Variants in MAMDC2 observed in about 807,000 individuals in gnomAD.
MAMDC2 encodes the protein MAM domain containing 2, also known as MAM domain-containing protein 2.
In MAMDC2, 57 loss-of-function variants were observed where a neutral mutation model predicts 89.8. That is an observed-to-expected ratio of 0.63 (90% CI 0.51 to 0.79). MAMDC2 has a LOEUF of 0.79. Among genes scored for constraint, MAMDC2 ranks in the 30% least tolerant of loss-of-function variants. The probability of loss-of-function intolerance (pLI) is 0.00; values close to 1 mark genes in which losing one functional copy is unlikely to be tolerated. For missense variants in MAMDC2, 800 were observed against 820.6 expected (o/e 0.97, Z 0.31); for synonymous variants, 313 against 293.4 (o/e 1.07, Z -0.68).
intron 11 of MAMDC2, among the ~76,000 whole-genome samples, chr9:70,212,212 C>T (rs2033368267): frequency 6.6e-6 from 1 of 152,236 alleles, no homozygotes; most frequent in Non-Finnish European, 1.5e-5. Context: ...TTCAGCTATG[C>T]CCTGCCCCCA....
chr9:70,108,282 C>T lies in MAMDC2; in HGVS notation c.220C>T (p.Gln74Ter). ...EKAVLLSPDL[Q>*]AEEWSCLRLV... ...AGCTGTGCTGCTAAGTCCTGACTTACAGGCTGAGGAATGGAGCTGCCTCCG... is the reference window on the plus strand; with the variant it reads ...AGCTGTGCTGCTAAGTCCTGACTTATAGGCTGAGGAATGGAGCTGCCTCCG... The change falls in exon 3 of 14, where the codon CAG becomes TAG. Residue 74 changes from glutamine (Q) to a stop codon, truncating the protein, a stop_gained. Coordinates refer to ENST00000377182, the MANE Select transcript of MAMDC2 (RefSeq NM_153267.5). LOFTEE classifies it high-confidence loss of function. The T allele has an allele frequency of 1.9e-6, 3 of 1,614,048 alleles. No individual in the cohort carries two copies. The highest frequency in any genetic ancestry group is 2.5e-6 in the Non-Finnish European group (3 of 1,179,932).
intron 2 of MAMDC2, among the ~76,000 whole-genome samples, chr9:70,051,240 C>G (rs2117982834): frequency 6.6e-6 from 1 of 152,298 alleles, no homozygotes; most frequent in African/African-American, 2.4e-5. Flanking sequence ...TGTGTCTGGG[C>G]AGCCTCCTCC....
chr9:70,205,352 C>A (rs2033203259), intron 11 of MAMDC2, among the ~76,000 whole-genome samples: 1 of 152,136 alleles, frequency 6.6e-6, no homozygotes, highest in African/African-American at 2.4e-5. Context: ...CTTTTAAAAT[C>A]ACTTAAAAGT....
At chr9:70,207,812 G>T (rs111308721) in intron 11 of MAMDC2, among the ~76,000 whole-genome samples, 1 of 152,186 alleles carries the variant, frequency 6.6e-6, no homozygotes, top group African/African-American at 2.4e-5. Flanking sequence ...TTTTGTATAA[G>T]GTGTAAGGAA....
chr9:70,142,439 T>A (rs2031254847), intron 8 of MAMDC2, among the ~76,000 whole-genome samples: 1 of 152,168 alleles, frequency 6.6e-6, no homozygotes, highest in Admixed American at 6.5e-5. Flanking sequence ...ACTGAGAGGT[T>A]TTAAGCAGAA....
rs1198746887 is a variant in MAMDC2, at chr9:70,108,251, G to A, written c.189G>A (p.Gly63=). ...IYVDTSFGKQ[G]EKAVLLSPDL... ...TGGATACCTCCTTTGGCAAGCAGGG[G>A]GAGAAAGCTGTGCTGCTAAGTCCTG... Residue 63 remains glycine, a synonymous_variant, in exon 3 of 14, where the codon GGG becomes GGA. Coordinates refer to ENST00000377182, the MANE Select transcript of MAMDC2 (RefSeq NM_153267.5). The A allele has an allele frequency of 6.2e-7, 1 of 1,611,668 alleles. No homozygotes were observed. Among genetic ancestry groups the A allele is most frequent in the Non-Finnish European group, 8.5e-7 (1 of 1,178,952 alleles).
chr9:70,162,748 G>A (rs2032017889), intron 9 of MAMDC2, among the ~76,000 whole-genome samples: 1 of 152,030 alleles, frequency 6.6e-6, no homozygotes. Context: ...GCCTCCCAAA[G>A]TGTTGGGAAC....
At chr9:70,083,116 T>C (rs547957437) in intron 2 of MAMDC2, among the ~76,000 whole-genome samples, 2 of 152,258 alleles carry the variant, frequency 1.3e-5, no homozygotes, top group African/African-American at 4.8e-5. Flanking sequence ...ATAAGTAAAA[T>C]CAGAAGGCAT....
chr9:70,214,590 G>A (rs2033412234), intron 11 of MAMDC2, among the ~76,000 whole-genome samples: 2 of 152,216 alleles, frequency 1.3e-5, no homozygotes, highest in African/African-American at 4.8e-5. Context: ...TTTTGCTTTA[G>A]AAGGAGCACT....
intron 2 of MAMDC2, among the ~76,000 whole-genome samples, chr9:70,084,668 C>A (rs1335902799): frequency 1.3e-5 from 2 of 152,070 alleles, no homozygotes; most frequent in Non-Finnish European, 2.9e-5. Flanking sequence ...GCTTTCAATT[C>A]AGTGAATAAG....
chr9:70,095,653 G>A (rs1339140292), intron 2 of MAMDC2, among the ~76,000 whole-genome samples: 1 of 152,204 alleles, frequency 6.6e-6, no homozygotes, highest in Non-Finnish European at 1.5e-5. Context: ...AGATACATGA[G>A]TCTGGAAGTG....
chr9:70,117,299 GA>G (rs1309497508), intron 5 of MAMDC2, among the ~76,000 whole-genome samples: 17 of 152,124 alleles, frequency 1.1e-4, no homozygotes, highest in Non-Finnish European at 2.4e-4. Flanking sequence ...CAGCTATAAA[GA>G]AGGATGAGTT....
At chr9:70,070,310 G>T (rs1827373683) in intron 2 of MAMDC2, among the ~76,000 whole-genome samples, 1 of 152,196 alleles carries the variant, frequency 6.6e-6, no homozygotes, top group Non-Finnish European at 1.5e-5. Context: ...TGGCCTTATA[G>T]ACTTTTTAGC....
At chr9:70,130,047 A>T (rs1041505530) in intron 6 of MAMDC2, among the ~76,000 whole-genome samples, 16 of 121,404 alleles carry the variant, frequency 1.3e-4, no homozygotes, top group African/African-American at 3.8e-4. Context: ...TGTGTGTGTG[A>T]GAGTGTCTGC....
chr9:70,202,596 T>C (rs1455105130), intron 11 of MAMDC2, among the ~76,000 whole-genome samples: 1 of 147,650 alleles, frequency 6.8e-6, no homozygotes, highest in Non-Finnish European at 1.5e-5. Context: ...CTGAGTTCAA[T>C]TCCTGGGTAT....
chr9:70,077,351 A>T (rs2118112204), intron 2 of MAMDC2, among the ~76,000 whole-genome samples: 1 of 152,310 alleles, frequency 6.6e-6, no homozygotes, highest in South Asian at 2.1e-4. Context: ...GCCCAAGGTT[A>T]TATCCAAGGT....
At chr9:70,106,103 T>C (rs1828334229) in intron 2 of MAMDC2, 1 of 152,214 alleles carries the variant, frequency 6.6e-6, no homozygotes, top group African/African-American at 2.4e-5. Context: ...TCTACTGGAT[T>C]GGAAACTCAA....
intron 2 of MAMDC2, among the ~76,000 whole-genome samples, chr9:70,045,658 C>T (rs1826731814): frequency 6.6e-6 from 1 of 152,190 alleles, no homozygotes; most frequent in South Asian, 2.1e-4. Context: ...GATGTATGAA[C>T]TGTCACCACA....
At chr9:70,092,117 C>T (rs1345137736) in intron 2 of MAMDC2, 1 of 152,110 alleles carries the variant, frequency 6.6e-6, no homozygotes, top group Non-Finnish European at 1.5e-5. Context: ...AGGTAAAGCG[C>T]TGAGTAAAAT....
Sources: gnomAD v4.1 joint callset for allele counts (sites outside exome capture counted in the v4.1 genomes callset) on GRCh38, gnomAD v4.1.1 for gene constraint, MANE v1.5 for transcripts, NCBI Gene and HGNC (gene_info 2026-07-23, HGNC 2026-07-21) for gene names.